TMEM132C: variants seen among roughly 807,000 people sequenced by gnomAD.
The protein encoded by TMEM132C is protein phosphatase 1, regulatory subunit 152.
Under a neutral mutation model 61.4 loss-of-function variants are expected in TMEM132C, and 29 were observed. That is an observed-to-expected ratio of 0.47 (90% CI 0.35 to 0.64). The LOEUF is 0.64. Among genes scored for constraint, TMEM132C ranks in the 30% least tolerant of loss-of-function variants. The pLI is 0.00. For synonymous variants in TMEM132C, 656 were observed against 633.1 expected (o/e 1.04, Z -0.54); for missense variants, 1,408 against 1,476.9 (o/e 0.95, Z 0.76).
chr12:128,680,674 G>A (rs930411787), intron 5 of TMEM132C, among the ~76,000 whole-genome samples: 3 of 152,184 alleles, frequency 2.0e-5, no homozygotes, highest in African/African-American at 7.2e-5. Context: ...ACTGGTAGGA[G>A]CTATGCCACA....
intron 3 of TMEM132C, among the ~76,000 whole-genome samples, chr12:128,546,907 C>G (rs1028984462): frequency 1.3e-5 from 2 of 152,222 alleles, no homozygotes; most frequent in African/African-American, 2.4e-5. Context: ...TGGCCTGCCT[C>G]TGTCTTCTTA....
intron 1 of TMEM132C, among the ~76,000 whole-genome samples, chr12:128,343,421 T>TAAAA (rs71449345): frequency 7.3e-6 from 1 of 136,586 alleles, no homozygotes; most frequent in African/African-American, 2.7e-5. Flanking sequence ...AGACTCAGTC[T>TAAAA]AAAAAAAAAA....
chr12:128,295,625 C>G (rs1303796228), intron 1 of TMEM132C, among the ~76,000 whole-genome samples: 4 of 117,740 alleles, frequency 3.4e-5, no homozygotes, highest in African/African-American at 1.3e-4. Flanking sequence ...ACTGATGTGC[C>G]TTTTAAGTCC....
intron 3 of TMEM132C, among the ~76,000 whole-genome samples, chr12:128,594,785 C>T (rs1223679440): frequency 6.6e-6 from 1 of 152,240 alleles, no homozygotes; most frequent in Non-Finnish European, 1.5e-5. Flanking sequence ...AAATTGCAGC[C>T]TTTAAACTGA....
chr12:128,543,305 A>C (rs1278286062), intron 2 of TMEM132C, among the ~76,000 whole-genome samples: 3 of 152,212 alleles, frequency 2.0e-5, no homozygotes, highest in Admixed American at 1.3e-4. Context: ...TAATCATTAC[A>C]GCAGCTTTAT....
chr12:128,535,098 C>T (rs1038905940), intron 2 of TMEM132C, among the ~76,000 whole-genome samples: 5 of 152,208 alleles, frequency 3.3e-5, no homozygotes, highest in Admixed American at 2.0e-4. Context: ...CTTTCCCATG[C>T]TAATGTGTCT....
intron 1 of TMEM132C, among the ~76,000 whole-genome samples, chr12:128,297,775 CA>C (rs1246802332): frequency 6.6e-6 from 1 of 151,514 alleles, no homozygotes; most frequent in African/African-American, 2.4e-5. Flanking sequence ...TATAATTTTT[CA>C]AAAAAAAGTT....
intron 5 of TMEM132C, among the ~76,000 whole-genome samples, chr12:128,692,924 G>A (rs2135651930): frequency 6.6e-6 from 1 of 152,322 alleles, no homozygotes; most frequent in East Asian, 1.9e-4. Flanking sequence ...GCCAGAAAGG[G>A]GAAAAGGAAA....
At chr12:128,311,442 A>G (rs752529059) in intron 1 of TMEM132C, among the ~76,000 whole-genome samples, 9 of 152,192 alleles carry the variant, frequency 5.9e-5, no homozygotes, top group Non-Finnish European at 1.2e-4. Flanking sequence ...GTGGCCCTAG[A>G]TGAGAGGGAC....
At chr12:128,674,600 C>T (rs1403928300) in intron 5 of TMEM132C, among the ~76,000 whole-genome samples, 1 of 152,142 alleles carries the variant, frequency 6.6e-6, no homozygotes, top group Non-Finnish European at 1.5e-5. Flanking sequence ...TCCTCTCCAG[C>T]TTATTGGGAA....
intron 2 of TMEM132C, among the ~76,000 whole-genome samples, chr12:128,464,819 A>G (rs1870673834): frequency 6.6e-6 from 1 of 151,962 alleles, no homozygotes; most frequent in South Asian, 2.1e-4. Flanking sequence ...GAAGGAAGAA[A>G]ATAAATAGAA....
chr12:128,518,589 CA>C (rs1368175537), intron 2 of TMEM132C, among the ~76,000 whole-genome samples: 1 of 152,202 alleles, frequency 6.6e-6, no homozygotes, highest in East Asian at 1.9e-4. Flanking sequence ...TTTAATTATG[CA>C]AACATTTCAT....
At chr12:128,651,595 G>A (rs904696411) in intron 4 of TMEM132C, among the ~76,000 whole-genome samples, 6 of 152,190 alleles carry the variant, frequency 3.9e-5, no homozygotes, top group Admixed American at 6.5e-5. Context: ...GCGACTGAGA[G>A]ACACAACATC....
chr12:128,273,696 C>G (rs955827469), intron 1 of TMEM132C, among the ~76,000 whole-genome samples: 2 of 151,948 alleles, frequency 1.3e-5, no homozygotes, highest in African/African-American at 4.8e-5. Flanking sequence ...ATTTATACTT[C>G]TTTTTAAATT....
chr12:128,628,088 C>T (rs1188709290), intron 4 of TMEM132C, among the ~76,000 whole-genome samples: 1 of 152,162 alleles, frequency 6.6e-6, no homozygotes, highest in Non-Finnish European at 1.5e-5. Flanking sequence ...ATCTCAAATG[C>T]AGCAGTCTCC....
chr12:128,607,192 A>G (rs538779724), intron 3 of TMEM132C, among the ~76,000 whole-genome samples: 4 of 152,296 alleles, frequency 2.6e-5, no homozygotes, highest in African/African-American at 9.6e-5. Flanking sequence ...AGCAAAGTGC[A>G]ATGATCCTAA....
intron 2 of TMEM132C, among the ~76,000 whole-genome samples, chr12:128,425,499 G>A (rs909434167): frequency 4.6e-5 from 7 of 152,214 alleles, no homozygotes; most frequent in East Asian, 1.9e-4. Context: ...GGACTTGACT[G>A]TGTCTCTCGG....
At chr12:128,323,041 G>A (rs1418934050) in intron 1 of TMEM132C, among the ~76,000 whole-genome samples, 1 of 152,228 alleles carries the variant, frequency 6.6e-6, no homozygotes, top group East Asian at 1.9e-4. Flanking sequence ...CTGCTCCTGT[G>A]TGTGTCATAT....
chr12:128,604,787 AATAG>A (rs1349371611), intron 3 of TMEM132C, among the ~76,000 whole-genome samples: 1 of 151,332 alleles, frequency 6.6e-6, no homozygotes, highest in African/African-American at 2.4e-5. Flanking sequence ...ATAGATAATG[AATAG>A]ATAGTAGATA....
Sources: gnomAD v4.1 joint callset for allele counts (sites outside exome capture counted in the v4.1 genomes callset) on GRCh38, gnomAD v4.1.1 for gene constraint, MANE v1.5 for transcripts, NCBI Gene and HGNC (gene_info 2026-07-23, HGNC 2026-07-21) for gene names.